The following EHD3 variants were observed in gnomAD, a reference collection of about 807,000 sequenced individuals.
EHD3 encodes the protein EH domain containing 3, also known as EH domain-containing protein 3.
EHD3 carries 17 observed loss-of-function variants against 43.0 expected under a neutral mutation model. That is an observed-to-expected ratio of 0.40 (90% confidence interval 0.27 to 0.59). The LOEUF is 0.59. Among genes scored for constraint, EHD3 ranks in the 20% least tolerant of loss-of-function variants. EHD3 has a pLI of 0.49. For synonymous variants in EHD3, 313 were observed against 289.5 expected, an observed-to-expected ratio of 1.08 and a Z score of -0.82; for missense variants, 594 against 705.6, an observed-to-expected ratio of 0.84 and a Z score of 1.79.
intron 5 of EHD3, among the ~76,000 whole-genome samples, chr2:31,263,751 A>G (rs1683894887): frequency 1.3e-5 from 2 of 152,216 alleles, no homozygotes; most frequent in Non-Finnish European, 2.9e-5. Flanking sequence ...ATTTTTCTGC[A>G]GCAGACTAGC....
Position 31,260,844 on chromosome 2 carries a change from C to T in EHD3, c.837C>T (p.Phe279=). The T allele has an allele frequency of 1.9e-6, 3 of 1,614,200 alleles. No individual in the cohort carries two copies. Among genetic ancestry groups the T allele is most frequent in the Non-Finnish European group, 2.5e-6 (3 of 1,180,036 alleles). ...KLFEAEEQDL[F]RDIQSLPRNA... is the part of the protein sequence containing the mutation. ...TTGAGGCTGAGGAACAGGACCTATT[C>T]AGGGACATCCAGAGTCTGCCCCGAA... Residue 279 remains phenylalanine, a synonymous_variant, in exon 4 of 6, where the codon TTC becomes TTT. Transcript: ENST00000322054. The surrounding 1 kb of genome is among the most constrained non-coding windows in gnomAD (Gnocchi z 4.6).
chr2:31,241,602 C>T (rs1394785352), intron 1 of EHD3, among the ~76,000 whole-genome samples: 4 of 152,082 alleles, frequency 2.6e-5, no homozygotes. Context: ...GAAGGTGAAA[C>T]GAGATAATCC....
chr2:31,249,760 A>C (rs1480421918), intron 3 of EHD3, among the ~76,000 whole-genome samples: 3 of 152,150 alleles, frequency 2.0e-5, no homozygotes, highest in African/African-American at 7.2e-5. Flanking sequence ...TATTCATGCT[A>C]CAAGGGGCAC....
At chr2:31,252,434 C>A (rs1683655686) in intron 3 of EHD3, among the ~76,000 whole-genome samples, 1 of 152,196 alleles carries the variant, frequency 6.6e-6, no homozygotes, top group Non-Finnish European at 1.5e-5. Context: ...CTATCCTATT[C>A]TATTCTTTTC....
chr2:31,267,031 A>G lies in EHD3; in HGVS notation c.*327A>G, dbSNP rs1683967269. ...AATTCACTTGCCAGCACAGATGGCC[A>G]ACCCACCTCCAGATTCCCCAGTGCT... On this transcript the variant is annotated 3_prime_UTR_variant, in exon 6 of 6. Coordinates refer to ENST00000322054, the MANE Select transcript of EHD3 (RefSeq NM_014600.3). The G allele has an allele frequency of 3.5e-6, 1 of 285,580 alleles. No homozygotes were observed. 17.7% of individuals were successfully genotyped at this position (285,580 alleles called of 1,614,324 possible).
rs1558654036 is a variant in EHD3, at chr2:31,266,850, C to T, written c.*146C>T. On this transcript the variant is annotated 3_prime_UTR_variant, in exon 6 of 6. Transcript: ENST00000322054. This position sits in a 1 kb window ranked among gnomAD's most constrained non-coding sequence, Gnocchi z 5.1. ...CATTGCTCTGTAGGTGAGAGAGGAC[C>T]ATGACGCCCATGTTTGCAGCTGATA... 9.2e-7 allele frequency: 1 copy of T among 1,084,454 alleles called. No individual in the cohort carries two copies. Among genetic ancestry groups the T allele is most frequent in the Non-Finnish European group, 1.3e-6 (1 of 783,678 alleles). 67.2% of individuals were successfully genotyped at this position (1,084,454 alleles called of 1,614,324 possible). A position where few individuals can be genotyped will look rare whatever the true frequency, so the allele number is the denominator to read the frequency against.
At position 31,260,325 on chromosome 2, in the gene EHD3, G is replaced by A. The variant is rs868188509; in HGVS notation, c.503-185G>A. On this transcript the variant is annotated intron_variant, in intron 3 of 5. Transcript: ENST00000322054. This position sits in a 1 kb window ranked among gnomAD's most constrained non-coding sequence, Gnocchi z 4.6. ...TTAGTATTTAACAGTATTTTTAGACGAAAAAAATTCTATGAGACATTGAGT... is the reference window on the plus strand; with the variant it reads ...TTAGTATTTAACAGTATTTTTAGACAAAAAAAATTCTATGAGACATTGAGT... Among the ~76,000 whole-genome samples the A allele has an allele frequency of 1.4e-4, 22 of 152,028 alleles. No individual in the cohort carries two copies. Among genetic ancestry groups the A allele is most frequent in the Admixed American group, 6.5e-4 (10 of 15,268 alleles).
In EHD3 at chr2:31,266,040, G is replaced by A. The variant is rs1390577954; in HGVS notation, c.1081-137G>A. ...GATTACCACGTGATGTCCATCAGCT[G>A]AGCCTCTAGGTCACAGGTCTTTCAT... On this transcript the variant is annotated intron_variant, in intron 5 of 5. Coordinates refer to ENST00000322054, the MANE Select transcript of EHD3 (RefSeq NM_014600.3). This position sits in a 1 kb window ranked among gnomAD's most constrained non-coding sequence, Gnocchi z 5.1. 2 of 1,119,448 alleles carry A rather than the reference G, an allele frequency of 1.8e-6. No homozygotes were observed. The highest frequency in any genetic ancestry group is 2.5e-6 in the Non-Finnish European group (2 of 806,794). The allele number at this position is 1,119,448 out of a possible 1,614,324, so 69.3% of individuals were successfully genotyped here.
intron 1 of EHD3, among the ~76,000 whole-genome samples, chr2:31,243,597 C>CAGG (rs1683464672): frequency 6.6e-6 from 1 of 151,558 alleles, no homozygotes; most frequent in Non-Finnish European, 1.5e-5. Context: ...GCTGGGATTA[C>CAGG]AGGCACCTGC....
intron 1 of EHD3, among the ~76,000 whole-genome samples, chr2:31,239,745 C>A (rs1036699639): frequency 6.6e-6 from 1 of 152,194 alleles, no homozygotes; most frequent in African/African-American, 2.4e-5. Flanking sequence ...CATTACTGAC[C>A]GGATTCGGGG....
At position 31,262,516 on chromosome 2, in the gene EHD3, G is replaced by C. The variant is rs371302875; in HGVS notation, c.1080+803G>C. Among the ~76,000 whole-genome samples the C allele has an allele frequency of 1.0e-3, 156 of 152,328 alleles. 1 individual carries two copies. In the South Asian group the frequency reaches 0.029, roughly 28 times the overall value. ...CTTAGCACAAAGCCAGACAGACTATGCCCTTAGTACACAGTAGCAAATCAT... is the reference window on the plus strand; with the variant it reads ...CTTAGCACAAAGCCAGACAGACTATCCCCTTAGTACACAGTAGCAAATCAT... On this transcript the variant is annotated intron_variant, in intron 5 of 5. Transcript: ENST00000322054.
rs576771587 is a variant in EHD3 at position 31,234,849 on chromosome 2, G to T, written c.227+1G>T. ...CCACTGGGAAGACCACCTTCATCAG[G>T]TGAGCCGGCCCAGGGTCCTGGCAGC... On this transcript the variant is annotated splice_donor_variant, in intron 1 of 5. Transcript: ENST00000322054. LOFTEE classifies it high-confidence loss of function. 1.2e-6 allele frequency: 2 copies of T among 1,614,114 alleles called. No homozygotes were observed. The highest frequency in any genetic ancestry group is 1.7e-6 in the Non-Finnish European group (2 of 1,179,994).
rs943456443 is a variant in EHD3, at chr2:31,237,092, G to C, written c.227+2244G>C. On this transcript the variant is annotated intron_variant, in intron 1 of 5. Transcript: ENST00000322054. The stretch of plus-strand genomic sequence containing the variant: ...TCAAAAGCTGTCTCCCCTTGAGGGA[G>C]TGTCAGCCAGCGCTGTAGGAGGGGT... 2.0e-5 allele frequency among the ~76,000 whole-genome samples: 3 copies of C among 152,200 alleles called. No individual in the cohort carries two copies. In the East Asian group the frequency reaches 5.8e-4, roughly 29 times the overall value.
intron 2 of EHD3, among the ~76,000 whole-genome samples, chr2:31,246,015 G>A (rs1277060377): frequency 2.0e-5 from 3 of 152,180 alleles, no homozygotes; most frequent in Admixed American, 2.0e-4. Context: ...TGGCCAAGGT[G>A]TGCGCCCAGA....
Position 31,249,465 on chromosome 2 carries a change from C to T in EHD3, c.499C>T (p.Arg167Trp), listed in dbSNP as rs770304508. The change falls in exon 3 of 6, where the codon CGG (arginine) becomes TGG (tryptophan). Residue 167 changes from arginine to tryptophan, a missense_variant. By Grantham distance (101) the Arg-to-Trp change is moderately radical. This residue lies in a region of EHD3 where 243 missense variants were observed against 296.7 expected (regional missense o/e 0.82). Transcript: ENST00000322054. ...ILSGEKQRIS[R>W]GYDFAAVLEW... Reference sequence around the variant, plus strand: ...CTCTGGGGAGAAGCAGAGGATCAGCCGGGGTAAGCAACCTGCCTGAGGGGT... The same window carrying T: ...CTCTGGGGAGAAGCAGAGGATCAGCTGGGGTAAGCAACCTGCCTGAGGGGT... 7.4e-6 allele frequency: 12 copies of T among 1,613,860 alleles called. No homozygotes were observed. Among genetic ancestry groups the T allele is most frequent in the East Asian group, 2.2e-5 (1 of 44,878 alleles).
At chr2:31,264,859 C>T (rs983584896) in intron 5 of EHD3, among the ~76,000 whole-genome samples, 2 of 152,144 alleles carry the variant, frequency 1.3e-5, no homozygotes, top group African/African-American at 4.8e-5. Flanking sequence ...CTTGTTGTAA[C>T]AATTAGCTTA....
chr2:31,260,670 T>C lies in EHD3; in HGVS notation c.663T>C (p.Ala221=). Residue 221 remains alanine, a synonymous_variant, in exon 4 of 6, where the codon GCT becomes GCC. Coordinates refer to ENST00000322054, the MANE Select transcript of EHD3 (RefSeq NM_014600.3). This position sits in a 1 kb window ranked among gnomAD's most constrained non-coding sequence, Gnocchi z 4.6. ...EDKMRVVLNK[A]DQIETQQLMR... is the part of the protein sequence containing the mutation. ...AGATGCGAGTGGTGCTGAACAAAGC[T>C]GACCAGATCGAGACGCAGCAGCTGA... 1 of 1,614,224 alleles carries C rather than the reference T, an allele frequency of 6.2e-7. No individual in the cohort carries two copies. The highest frequency in any genetic ancestry group is 8.5e-7 in the Non-Finnish European group (1 of 1,180,044).
chr2:31,254,065 C>T (rs1306489738), intron 3 of EHD3, among the ~76,000 whole-genome samples: 3 of 152,302 alleles, frequency 2.0e-5, no homozygotes, highest in Non-Finnish European at 2.9e-5. Flanking sequence ...GCTTGAAGCT[C>T]CTCCCCACAG....
At chr2:31,236,142 C>T (rs145345773) in intron 1 of EHD3, among the ~76,000 whole-genome samples, 31 of 152,312 alleles carry the variant, frequency 2.0e-4, no homozygotes, top group African/African-American at 7.0e-4. Context: ...TAACATCCAC[C>T]TTGTAACGCC....
Sources: allele counts gnomAD v4.1 joint callset (sites outside exome capture counted in the v4.1 genomes callset), GRCh38; gene constraint gnomAD v4.1.1; regional missense constraint gnomAD v4.1.1; non-coding constraint Gnocchi (gnomAD v3.1); transcripts MANE v1.5; gene names NCBI Gene and HGNC (gene_info 2026-07-23, HGNC 2026-07-21).